Variants in EYS observed in about 807,000 individuals in gnomAD.
The protein encoded by EYS is protein eyes shut homolog.
In EYS, 250 loss-of-function variants were observed where a neutral mutation model predicts 282.1. That is an observed-to-expected ratio of 0.89 (90% confidence interval 0.80 to 0.98). EYS has a LOEUF of 0.98. Ranked by LOEUF, EYS falls within the 50% of genes least tolerant of loss-of-function variation. The probability of loss-of-function intolerance (pLI) is 0.00; values close to 1 mark genes in which losing one functional copy is unlikely to be tolerated. For missense variants in EYS, 4,016 were observed against 3,709.0 expected (o/e 1.08, Z -2.15); for synonymous variants, 1,355 against 1,282.9 (o/e 1.06, Z -1.20).
chr6:65,417,359 T>A (rs1453402467), intron 5 of EYS, among the ~76,000 whole-genome samples: 1 of 152,070 alleles, frequency 6.6e-6, no homozygotes, highest in Non-Finnish European at 1.5e-5. Flanking sequence ...AATTCAGTTT[T>A]GGCCATGCAG....
intron 12 of EYS, among the ~76,000 whole-genome samples, chr6:65,215,289 G>A (rs1451647002): frequency 1.3e-5 from 2 of 152,012 alleles, no homozygotes; most frequent in Admixed American, 1.3e-4. Flanking sequence ...AATATTAACA[G>A]GAGTTTAAAA....
intron 13 of EYS, among the ~76,000 whole-genome samples, chr6:65,025,334 A>G (rs1442493905): frequency 6.6e-6 from 1 of 152,204 alleles, no homozygotes; most frequent in Non-Finnish European, 1.5e-5. Flanking sequence ...AAATGCACAT[A>G]TCATGTCTAC....
intron 35 of EYS, among the ~76,000 whole-genome samples, chr6:63,877,226 T>C (rs2149715987): frequency 6.6e-6 from 1 of 152,320 alleles, no homozygotes; most frequent in East Asian, 1.9e-4. Context: ...CCTTCACTTA[T>C]GAAGCTTAGT....
At chr6:64,827,123 G>A (rs577085973) in intron 19 of EYS, among the ~76,000 whole-genome samples, 1 of 151,920 alleles carries the variant, frequency 6.6e-6, no homozygotes, top group East Asian at 1.9e-4. Context: ...CTAGATGATG[G>A]TAAATCATAG....
At chr6:65,490,469 C>T in intron 5 of EYS, 125 bp downstream of exon 5, 1 of 617,004 alleles carries the variant, frequency 1.6e-6, no homozygotes, top group Non-Finnish European at 2.9e-6. Flanking sequence ...TAAAAGAGTT[C>T]AGTATATATA....
chr6:64,588,227 G>A (rs1376449487), intron 26 of EYS, among the ~76,000 whole-genome samples: 1 of 151,986 alleles, frequency 6.6e-6, no homozygotes, highest in Admixed American at 6.6e-5. Context: ...GCCTAGGTGA[G>A]GAATTCCATA....
chr6:65,216,593 T>C (rs1015909021), intron 12 of EYS, among the ~76,000 whole-genome samples: 7 of 151,886 alleles, frequency 4.6e-5, no homozygotes, highest in African/African-American at 1.7e-4. Flanking sequence ...ATATATTGAG[T>C]TTAAAAATAG....
At chr6:64,081,326 A>G in intron 32 of EYS, among the ~76,000 whole-genome samples, 1 of 152,336 alleles carries the variant, frequency 6.6e-6, no homozygotes, top group South Asian at 2.1e-4. Flanking sequence ...AGAGACCTTT[A>G]TGAGCAAATT....
intron 22 of EYS, among the ~76,000 whole-genome samples, chr6:64,629,370 T>C (rs1767709409): frequency 6.6e-6 from 1 of 152,098 alleles, no homozygotes; most frequent in African/African-American, 2.4e-5. Context: ...GAAGTGCCTA[T>C]ATAAATAATT....
At chr6:65,693,360 T>C (rs1319461747) in intron 1 of EYS, among the ~76,000 whole-genome samples, 2 of 148,794 alleles carry the variant, frequency 1.3e-5, no homozygotes, top group African/African-American at 2.4e-5. Flanking sequence ...AGAGCTCTGA[T>C]AGAGACACAG....
intron 33 of EYS, among the ~76,000 whole-genome samples, chr6:64,021,265 GC>G (rs1041119260): frequency 3.6e-4 from 54 of 151,992 alleles, no homozygotes; most frequent in African/African-American, 1.3e-3. Context: ...ATTTTCTTAA[GC>G]CAGGTACTGG....
intron 12 of EYS, among the ~76,000 whole-genome samples, chr6:65,110,931 A>G (rs1775198588): frequency 6.6e-6 from 1 of 152,144 alleles, no homozygotes; most frequent in East Asian, 1.9e-4. Flanking sequence ...AAATTGTAAC[A>G]AAGCAGACCA....
chr6:65,613,044 T>C (rs1362926940), intron 2 of EYS, among the ~76,000 whole-genome samples: 4 of 151,814 alleles, frequency 2.6e-5, no homozygotes, highest in East Asian at 1.9e-4. Context: ...ACCCCAGAAG[T>C]CTCTGTAAAT....
At chr6:64,632,081 C>A (rs71551597) in intron 22 of EYS, among the ~76,000 whole-genome samples, 100 of 151,116 alleles carry the variant, frequency 6.6e-4, no homozygotes, top group Non-Finnish European at 1.2e-3. Context: ...CTTTTTATAT[C>A]TGCAAAGCAT....
At chr6:64,877,941 C>T (rs1453622549) in intron 19 of EYS, among the ~76,000 whole-genome samples, 2 of 152,018 alleles carry the variant, frequency 1.3e-5, no homozygotes, top group East Asian at 3.9e-4. Context: ...CTTTCCTTAA[C>T]AATAAATGAG....
chr6:63,959,037 G>A (rs1381475980), intron 35 of EYS, among the ~76,000 whole-genome samples: 3 of 152,110 alleles, frequency 2.0e-5, no homozygotes, highest in Non-Finnish European at 4.4e-5. Flanking sequence ...GTCTTATTAT[G>A]TAGAAACACT....
chr6:65,255,821 T>C (rs990623965), intron 12 of EYS, among the ~76,000 whole-genome samples: 5 of 151,998 alleles, frequency 3.3e-5, no homozygotes, highest in African/African-American at 1.2e-4. Context: ...TCAGTTAAAA[T>C]TGCTTTTATC....
At chr6:65,336,260 T>C (rs1179214551) in intron 10 of EYS, among the ~76,000 whole-genome samples, 1 of 151,788 alleles carries the variant, frequency 6.6e-6, no homozygotes, top group Non-Finnish European at 1.5e-5. Context: ...TGTTTAGTCT[T>C]TTTGGTAGTC....
chr6:65,627,297 G>A (rs557741929), intron 2 of EYS, among the ~76,000 whole-genome samples: 1 of 152,164 alleles, frequency 6.6e-6, no homozygotes, highest in Admixed American at 6.5e-5. Flanking sequence ...GTCAAAAGTT[G>A]AACAAGTTTA....
Sources: allele counts gnomAD v4.1 joint callset (sites outside exome capture counted in the v4.1 genomes callset), GRCh38; gene constraint gnomAD v4.1.1; transcripts MANE v1.5; gene names NCBI Gene and HGNC (gene_info 2026-07-23, HGNC 2026-07-21).